The following ABL1 variants were observed in gnomAD, a reference collection of about 807,000 sequenced individuals.
The protein encoded by ABL1 is tyrosine-protein kinase ABL1.
A neutral mutation model predicts 94.7 loss-of-function variants in ABL1; 11 were observed. The observed-to-expected ratio is 0.12, with a 90% CI of 0.07 to 0.19. The LOEUF (loss-of-function observed/expected upper bound fraction) is 0.19. ABL1 is among the 10% of genes least tolerant of loss of function. ABL1 has a pLI of 1.00. For synonymous variants in ABL1, 656 were observed against 622.4 expected (o/e 1.05, Z -0.80); for missense variants, 1,082 against 1,489.4 (o/e 0.73, Z 4.50).
chr9:130,737,073 G>C (rs992094959), intron 1 of ABL1, among the ~76,000 whole-genome samples: 11 of 152,168 alleles, frequency 7.2e-5, no homozygotes, highest in African/African-American at 2.4e-4. Flanking sequence ...AATTGGTCTG[G>C]GGAGAGGCCT....
intron 4 of ABL1, among the ~76,000 whole-genome samples, chr9:130,865,536 C>G (rs777811648): frequency 6.6e-6 from 1 of 152,110 alleles, no homozygotes; most frequent in Non-Finnish European, 1.5e-5. Flanking sequence ...TGCTTGAGCC[C>G]AGGAGTTAAA....
chr9:130,748,579 CTTT>C (rs1438941218), intron 1 of ABL1, among the ~76,000 whole-genome samples: 1 of 148,596 alleles, frequency 6.7e-6, no homozygotes, highest in Admixed American at 6.7e-5. Flanking sequence ...TGCCTAGCTA[CTTT>C]TTTTTTTTTT....
rs995900170 is a variant in ABL1, at chr9:130,768,704, T to C, written c.136+54249T>C. The stretch of plus-strand genomic sequence containing the variant: ...ACGAATTAGTGCATCCTTCCAAGCC[T>C]TGGAGGACCTGTCTATAATAGGCCC... On this transcript the variant is annotated intron_variant, in intron 1 of 10. Transcript: ENST00000372348. Among the ~76,000 whole-genome samples the C allele has an allele frequency of 2.6e-4, 39 of 152,352 alleles. 1 individual carries two copies. Among genetic ancestry groups the C allele is most frequent in the Admixed American group, 7.8e-4 (12 of 15,308 alleles).
chr9:130,805,547 A>C (rs1196657219), intron 1 of ABL1, among the ~76,000 whole-genome samples: 2 of 152,202 alleles, frequency 1.3e-5, no homozygotes, highest in African/African-American at 4.8e-5. Context: ...ATTGATCTCC[A>C]AAGTTTCCCA....
intron 1 of ABL1, among the ~76,000 whole-genome samples, chr9:130,770,070 GT>G (rs1408289965): frequency 1.3e-5 from 2 of 152,132 alleles, no homozygotes; most frequent in Non-Finnish European, 2.9e-5. Context: ...ATGTACCACA[GT>G]TTGTTTATCC....
intron 1 of ABL1, among the ~76,000 whole-genome samples, chr9:130,836,653 A>G (rs921999352): frequency 3.3e-5 from 5 of 151,982 alleles, no homozygotes; most frequent in Admixed American, 1.3e-4. Flanking sequence ...GTGAAACCCT[A>G]TTTCTACTAA....
chr9:130,803,048 A>G (rs1293135319), intron 1 of ABL1, among the ~76,000 whole-genome samples: 1 of 151,622 alleles, frequency 6.6e-6, no homozygotes, highest in Non-Finnish European at 1.5e-5. Flanking sequence ...TTATTTGTTT[A>G]TTTATTTAGA....
chr9:130,801,487 A>G (rs1830053832), intron 1 of ABL1, among the ~76,000 whole-genome samples: 2 of 152,194 alleles, frequency 1.3e-5, no homozygotes, highest in Non-Finnish European at 2.9e-5. Context: ...CAGCCTCCCA[A>G]AGTGCTGGGA....
chr9:130,713,055 C>T (rs1295096235), exon 1 of ABL1, among the ~76,000 whole-genome samples: 1 of 152,184 alleles, frequency 6.6e-6, no homozygotes, highest in African/African-American at 2.4e-5. Flanking sequence ...TCCATCATGG[C>T]GGCCGCGGGG....
In ABL1 at chr9:130,845,422, A is replaced by G. The variant is rs377152842; in HGVS notation, c.80-8642A>G. Among the ~76,000 whole-genome samples the G allele has an allele frequency of 2.0e-3, 296 of 151,728 alleles. 2 individuals are homozygous for G. Among genetic ancestry groups the G allele is most frequent in the African/African-American group, 6.5e-3 (268 of 41,358 alleles). On this transcript the variant is annotated intron_variant, in intron 1 of 10. Transcript: ENST00000318560. Reference sequence around the variant, plus strand: ...GGTGATGCAATCTTGGCTCACTGCAACCTCCACCTTCCGGGTTCAAGCGAA... The same window carrying G: ...GGTGATGCAATCTTGGCTCACTGCAGCCTCCACCTTCCGGGTTCAAGCGAA...
chr9:130,868,520 C>CTTTTTTTTTTTTTTTTTT (rs71389371), intron 4 of ABL1, among the ~76,000 whole-genome samples: 14 of 112,110 alleles, frequency 1.2e-4, no homozygotes, highest in East Asian at 5.1e-4. Context: ...TTTTCTTTTT[C>CTTTTTTTTTTTTTTTTTT]TTTTTTTTTT....
chr9:130,812,901 C>T (rs1000812937), intron 1 of ABL1, among the ~76,000 whole-genome samples: 1 of 152,222 alleles, frequency 6.6e-6, no homozygotes, highest in African/African-American at 2.4e-5. Context: ...CAAGACAAAT[C>T]ATTTTCTGGG....
At chr9:130,730,133 T>A (rs1392865046) in intron 1 of ABL1, among the ~76,000 whole-genome samples, 1 of 148,840 alleles carries the variant, frequency 6.7e-6, no homozygotes, top group Non-Finnish European at 1.5e-5. Context: ...TACCTCCGCC[T>A]CCTGGGTTCA....
chr9:130,721,830 T>G (rs550807448), intron 1 of ABL1, among the ~76,000 whole-genome samples: 12 of 149,350 alleles, frequency 8.0e-5, no homozygotes, highest in African/African-American at 1.7e-4. Context: ...TTGTTTTTTT[T>G]TTTTTTTTTG....
At chr9:130,865,962 A>G (rs1205207985) in intron 4 of ABL1, among the ~76,000 whole-genome samples, 1 of 152,064 alleles carries the variant, frequency 6.6e-6, no homozygotes, top group Non-Finnish European at 1.5e-5. Flanking sequence ...TCCCAAATCC[A>G]AAACTTTTTG....
intron 4 of ABL1, among the ~76,000 whole-genome samples, chr9:130,868,453 G>A (rs2132985043): frequency 6.6e-6 from 1 of 152,040 alleles, no homozygotes; most frequent in South Asian, 2.1e-4. Context: ...TCCCTGCTGA[G>A]AGCGAGACAT....
intron 1 of ABL1, among the ~76,000 whole-genome samples, chr9:130,720,015 T>C (rs976445050): frequency 3.3e-5 from 5 of 152,216 alleles, no homozygotes; most frequent in African/African-American, 7.2e-5. Context: ...AAATTCACTT[T>C]TGGGAGAGTT....
At chr9:130,819,532 CTTTTTT>C (rs34341889) in intron 1 of ABL1, among the ~76,000 whole-genome samples, 10 of 96,282 alleles carry the variant, frequency 1.0e-4, no homozygotes, top group Admixed American at 7.7e-4. Flanking sequence ...AGAAAAATAC[CTTTTTT>C]TTTTTTTTTT....
In ABL1 at chr9:130,813,806, G is replaced by A. The variant is rs538268435; in HGVS notation, c.137-40258G>A. Among the ~76,000 whole-genome samples the A allele has an allele frequency of 5.9e-5, 9 of 152,230 alleles. No individual in the cohort carries two copies. In the South Asian group the frequency reaches 1.7e-3, roughly 28 times the overall value. ...AAAGGGAAATTTATATAGTGCAGAT[G>A]GTCCCTGACTTATGACGTCTCAACT... On this transcript the variant is annotated intron_variant, in intron 1 of 10. Coordinates refer to the ABL1 transcript ENST00000372348.
Sources: allele counts gnomAD v4.1 joint callset (sites outside exome capture counted in the v4.1 genomes callset), GRCh38; gene constraint gnomAD v4.1.1; transcripts MANE v1.5; gene names NCBI Gene and HGNC (gene_info 2026-07-23, HGNC 2026-07-21).